The following ELAVL2 variants were observed in gnomAD, a reference collection of about 807,000 sequenced individuals.
ELAVL2 encodes ELAV-like protein 2.
Under a neutral mutation model 34.6 loss-of-function variants are expected in ELAVL2, and 4 were observed. The ratio of observed to expected loss-of-function variants is 0.12; its 90% CI spans 0.06 to 0.26. The LOEUF (loss-of-function observed/expected upper bound fraction) is 0.26. ELAVL2 is among the 10% of genes least tolerant of loss of function. ELAVL2 has a pLI of 1.00. For synonymous variants in ELAVL2, 193 were observed against 154.8 expected (o/e 1.25, Z -1.83); for missense variants, 432 against 442.8 (o/e 0.98, Z 0.22).
chr9:23,837,347 G>A, the ELAVL2 span, among the ~76,000 whole-genome samples: 2 of 152,128 alleles, frequency 1.3e-5, no homozygotes, highest in Non-Finnish European at 2.9e-5. Context: ...GTGGAGCAAG[G>A]AGGCATGAGT....
At chr9:23,789,087 T>C (rs1313266366) in intron 1 of ELAVL2, among the ~76,000 whole-genome samples, 1 of 152,196 alleles carries the variant, frequency 6.6e-6, no homozygotes, top group Non-Finnish European at 1.5e-5. Flanking sequence ...CCCCCAATTT[T>C]TTCCTTCTTA....
chr9:23,795,097 A>C (rs74973339), intron 1 of ELAVL2, among the ~76,000 whole-genome samples: 9,126 of 152,238 alleles, frequency 0.06, 320 homozygotes, highest in Middle Eastern at 0.15. Context: ...ATTAAAAAAC[A>C]CATTTCTAAG....
intron 1 of ELAVL2, among the ~76,000 whole-genome samples, chr9:23,806,875 A>T (rs2062299784): frequency 6.6e-6 from 1 of 152,110 alleles, no homozygotes; most frequent in Admixed American, 6.6e-5. Flanking sequence ...GCCAGAAGTA[A>T]AATTAAAATT....
chr9:23,753,852 G>A (rs1179715258), intron 2 of ELAVL2, among the ~76,000 whole-genome samples: 1 of 152,164 alleles, frequency 6.6e-6, no homozygotes, highest in Non-Finnish European at 1.5e-5. Flanking sequence ...AATGTTACAA[G>A]AGAATTTCAA....
At chr9:23,793,428 A>G (rs1300479598) in intron 1 of ELAVL2, among the ~76,000 whole-genome samples, 1 of 152,198 alleles carries the variant, frequency 6.6e-6, no homozygotes, top group East Asian at 1.9e-4. Flanking sequence ...AGTAAGGTCT[A>G]GAGACCATGA....
At chr9:23,820,410 T>G (rs993437204) in intron 1 of ELAVL2, among the ~76,000 whole-genome samples, 1 of 152,088 alleles carries the variant, frequency 6.6e-6, no homozygotes, top group Non-Finnish European at 1.5e-5. Context: ...AGGGAGGGAA[T>G]AAAGGAGAGT....
chr9:23,818,483 T>TC (rs2064043133), intron 1 of ELAVL2, among the ~76,000 whole-genome samples: 1 of 151,786 alleles, frequency 6.6e-6, no homozygotes, highest in Non-Finnish European at 1.5e-5. Flanking sequence ...AAAATTAACC[T>TC]CCCCCCACAC....
In ELAVL2 at chr9:23,690,764, T is replaced by C. The variant is rs1210005920; in HGVS notation, c.*1793A>G. 6.6e-6 allele frequency: 1 copy of C among 152,614 alleles called. No homozygotes were observed. The highest frequency in any genetic ancestry group is 1.5e-5 in the Non-Finnish European group (1 of 68,012). The allele number at this position is 152,614 out of a possible 1,614,324, so 9.5% of individuals were successfully genotyped here. A position where few individuals can be genotyped will look rare whatever the true frequency, so the allele number is the denominator to read the frequency against. On this transcript the variant is annotated 3_prime_UTR_variant, in exon 7 of 7. Coordinates refer to ENST00000397312, the MANE Select transcript of ELAVL2 (RefSeq NM_004432.5). ...GTTTATACAAAAAGCAGGACGTAACTATATAGTTCTCAGTGCATCCTGATG... is the reference window on the plus strand; with the variant it reads ...GTTTATACAAAAAGCAGGACGTAACCATATAGTTCTCAGTGCATCCTGATG...
chr9:23,774,594 T>C (rs1199612988), intron 1 of ELAVL2, among the ~76,000 whole-genome samples: 2 of 152,108 alleles, frequency 1.3e-5, no homozygotes, highest in Non-Finnish European at 2.9e-5. Context: ...TACTTCACAT[T>C]AGAATTACAG....
chr9:23,706,589 C>T (rs1587434827), intron 3 of ELAVL2, among the ~76,000 whole-genome samples: 1 of 152,108 alleles, frequency 6.6e-6, no homozygotes, highest in East Asian at 1.9e-4. Flanking sequence ...CTGGACTAGC[C>T]TACTTCAAGG....
chr9:23,790,432 C>T lies in ELAVL2; in HGVS notation c.-15-28183G>A, dbSNP rs567180268. ...TTTCTGCTTTGGAATAGATTTTCTA[C>T]TTAGGATTAGTTACAGGCATATCGG... On this transcript the variant is annotated intron_variant, in intron 1 of 6. Coordinates refer to ENST00000397312, the MANE Select transcript of ELAVL2 (RefSeq NM_004432.5). 1.4e-4 allele frequency among the ~76,000 whole-genome samples: 21 copies of T among 152,274 alleles called. No homozygotes were observed. In the South Asian group the frequency reaches 4.3e-3, roughly 32 times the overall value.
intron 1 of ELAVL2, among the ~76,000 whole-genome samples, chr9:23,818,536 G>T (rs1436222873): frequency 1.3e-5 from 2 of 152,150 alleles, no homozygotes; most frequent in African/African-American, 4.8e-5. Flanking sequence ...GACCTGTCCA[G>T]CTGAGTAGCC....
Position 23,745,267 on chromosome 9 carries a change from AAAG to A in ELAVL2, c.230-14145_230-14143del, listed in dbSNP as rs566524662. Among the ~76,000 whole-genome samples, 17 of 152,260 alleles carry A rather than the reference AAAG, an allele frequency of 1.1e-4. No individual in the cohort carries two copies. In the South Asian group the frequency reaches 3.3e-3, roughly 30 times the overall value. On this transcript the variant is annotated intron_variant, in intron 2 of 6. Transcript: ENST00000397312. ...ACTATGGTAGATTTTTACAATCCCCAAAGAAGAATGTTTTCTGAATGTATAATC... is the reference window on the plus strand; with the variant it reads ...ACTATGGTAGATTTTTACAATCCCCAAAGAATGTTTTCTGAATGTATAATC...
chr9:23,782,604 C>A (rs1044280186), intron 1 of ELAVL2, among the ~76,000 whole-genome samples: 9 of 151,802 alleles, frequency 5.9e-5, no homozygotes, highest in African/African-American at 2.2e-4. Context: ...AGAAACCAAA[C>A]CAAAACAAAA....
At chr9:23,749,867 G>C (rs16923651) in intron 2 of ELAVL2, among the ~76,000 whole-genome samples, 13,632 of 151,858 alleles carry the variant, frequency 0.09, 687 homozygotes, top group Middle Eastern at 0.22. Flanking sequence ...ATAATCTATA[G>C]AGCAACTAAC....
At chr9:23,751,866 T>G (rs911481358) in intron 2 of ELAVL2, among the ~76,000 whole-genome samples, 1 of 152,154 alleles carries the variant, frequency 6.6e-6, no homozygotes, top group Non-Finnish European at 1.5e-5. Flanking sequence ...GGTGCTCTAG[T>G]TCATAAAGGC....
intron 1 of ELAVL2, among the ~76,000 whole-genome samples, chr9:23,786,605 G>C (rs1372255533): frequency 6.6e-6 from 1 of 151,432 alleles, no homozygotes; most frequent in Non-Finnish European, 1.5e-5. Flanking sequence ...TATTACTGGA[G>C]ATAGACTGTA....
At chr9:23,791,221 T>A (rs771247753) in intron 1 of ELAVL2, among the ~76,000 whole-genome samples, 76 of 152,312 alleles carry the variant, frequency 5.0e-4, no homozygotes, top group Middle Eastern at 3.4e-3. Flanking sequence ...AATCTCCAGG[T>A]TGAAAACGGC....
At chr9:23,745,442 G>T (rs535478677) in intron 2 of ELAVL2, among the ~76,000 whole-genome samples, 2 of 152,044 alleles carry the variant, frequency 1.3e-5, no homozygotes, top group South Asian at 2.1e-4. Flanking sequence ...AAATCCTTTA[G>T]GTGTACACAA....
Sources: allele counts gnomAD v4.1 joint callset (sites outside exome capture counted in the v4.1 genomes callset), GRCh38; gene constraint gnomAD v4.1.1; transcripts MANE v1.5; gene names NCBI Gene and HGNC (gene_info 2026-07-23, HGNC 2026-07-21).